Variants in SLC12A9 observed in about 807,000 individuals in gnomAD.
SLC12A9 encodes solute carrier family 12 member 9.
A neutral mutation model predicts 66.0 loss-of-function variants in SLC12A9; 55 were observed. That is an observed-to-expected ratio of 0.83 (90% confidence interval 0.67 to 1.04). The LOEUF (loss-of-function observed/expected upper bound fraction) is 1.04. Ranked by LOEUF, SLC12A9 falls within the 50% of genes least tolerant of loss-of-function variation. SLC12A9 has a pLI of 0.00. For missense variants in SLC12A9, 1,061 were observed against 1,241.9 expected (o/e 0.85, Z 2.19); for synonymous variants, 577 against 569.0 (o/e 1.01, Z -0.20).
chr7:100,864,453 A>C (rs974516206), intron 13 of SLC12A9, among the ~76,000 whole-genome samples: 1 of 152,216 alleles, frequency 6.6e-6, no homozygotes, highest in Non-Finnish European at 1.5e-5. Context: ...TTCTCCTGTC[A>C]TAGAAAATTT....
At position 100,835,233 on chromosome 7, in the gene SLC12A9, G is replaced by A. The variant is rs572420151; in HGVS notation, n.228+8186G>A. On this transcript the variant is annotated intron_variant and non_coding_transcript_variant, in intron 1 of 1. Coordinates refer to the SLC12A9 transcript ENST00000461016. ...TAGCTGGGCATGGTGGTGCGTGCCT[G>A]TTATCCAGCTACTTGGGAGGCTGAG... Among the ~76,000 whole-genome samples, 53 of 151,790 alleles carry A rather than the reference G, an allele frequency of 3.5e-4. No individual in the cohort carries two copies. In the South Asian group the frequency reaches 6.9e-3, roughly 20 times the overall value.
chr7:100,855,766 T>G lies in SLC12A9; in HGVS notation c.377T>G (p.Leu126Arg). The change falls in exon 4 of 14, where the codon CTG (leucine) becomes CGG (arginine). Residue 126 changes from leucine to arginine, a missense_variant. Transcript: ENST00000354161. The stretch of plus-strand genomic sequence containing the variant: ...GGCAGCATTGGGCTCATGTTCTACC[T>G]GGCTAACGTCTGTGGCTGTGCCGTC... Reference protein sequence around the residue: ...VGGSIGLMFYLANVCGCAVSL... With the variant: ...VGGSIGLMFYRANVCGCAVSL... 1 of 1,614,170 alleles carries G rather than the reference T, an allele frequency of 6.2e-7. No homozygotes were observed. Among genetic ancestry groups the G allele is most frequent in the Non-Finnish European group, 8.5e-7 (1 of 1,180,010 alleles).
chr7:100,827,013 C>A (rs780422508), exon 1 of SLC12A9: 1 of 1,581,900 alleles, frequency 6.3e-7, no homozygotes. Flanking sequence ...CCCAGCAGAG[C>A]AGCACCCGGA....
chr7:100,861,388 G>A lies in SLC12A9; in HGVS notation c.1344-4G>A, dbSNP rs367660115. ...TCTGTCCCTCCTCCCCTCCATGCCC[G>A]CAGCCCCACCTTCAGCCTGTTCTCC... On this transcript the variant is annotated splice_region_variant and splice_polypyrimidine_tract_variant and intron_variant, in intron 10 of 13. Transcript: ENST00000354161. This position sits in a 1 kb window ranked among gnomAD's most constrained non-coding sequence, Gnocchi z 5.3. The A allele has an allele frequency of 7.4e-6, 12 of 1,612,728 alleles. No homozygotes were observed. The highest frequency in any genetic ancestry group is 1.7e-5 in the Admixed American group (1 of 59,994).
exon 1 of SLC12A9, chr7:100,826,930 G>C (rs772080434): frequency 6.5e-6 from 10 of 1,535,608 alleles, no homozygotes; most frequent in Admixed American, 4.0e-5. Flanking sequence ...ATGTTGGGGG[G>C]GAGGTCCCAG....
Position 100,861,292 on chromosome 7 carries a change from A to C in SLC12A9, c.1343+30A>C, listed in dbSNP as rs1264452181. 1 of 1,613,740 alleles carries C rather than the reference A, an allele frequency of 6.2e-7. No individual in the cohort carries two copies. The highest frequency in any genetic ancestry group is 1.7e-5 in the Admixed American group (1 of 60,008). On this transcript the variant is annotated intron_variant, in intron 10 of 13. Transcript: ENST00000354161. This position sits in a 1 kb window ranked among gnomAD's most constrained non-coding sequence, Gnocchi z 5.3. ...GAGACTCAGATCTGTGTCCCCAGAG[A>C]GAAGAAGGGAGGACTCGGGCTCAGG...
intron 1 of SLC12A9, among the ~76,000 whole-genome samples, chr7:100,847,208 C>G (rs1262112329): frequency 6.6e-6 from 1 of 152,328 alleles, no homozygotes; most frequent in East Asian, 1.9e-4. Context: ...CAATGTTGGC[C>G]AGGCTGGTCC....
Position 100,866,028 on chromosome 7 carries a change from A to G in SLC12A9, c.2168A>G (p.His723Arg). 6.2e-7 allele frequency: 1 copy of G among 1,612,804 alleles called. No individual in the cohort carries two copies. The highest frequency in any genetic ancestry group is 1.1e-5 in the South Asian group (1 of 91,048). The change falls in exon 14 of 14, where the codon CAT becomes CGT. Residue 723 changes from histidine (H) to arginine (R), a missense_variant. Physicochemically the swap from His to Arg is conservative, Grantham distance 29. Transcript: ENST00000354161. This position sits in a 1 kb window ranked among gnomAD's most constrained non-coding sequence, Gnocchi z 7.3. ...TCTGGGGGCACCTCTCAGCTGCACC[A>G]TGTGGACGTGTGGCCCCTCAACCTG... ...RGSGGTSQLH[H>R]VDVWPLNLLR...
intron 1 of SLC12A9, among the ~76,000 whole-genome samples, chr7:100,838,676 C>T (rs761946988): frequency 3.9e-4 from 60 of 152,068 alleles, no homozygotes; most frequent in Non-Finnish European, 7.2e-4. Flanking sequence ...AGCACCACGC[C>T]GGCTAATTTT....
chr7:100,860,574 T>G (rs1814687099), intron 9 of SLC12A9: 1 of 374,626 alleles, frequency 2.7e-6, no homozygotes, highest in Non-Finnish European at 5.0e-6. Flanking sequence ...AGGGATTCAC[T>G]GGCACTCTGT....
At chr7:100,826,919 G>A (rs1376043351) in exon 1 of SLC12A9, 7 of 1,527,322 alleles carry the variant, frequency 4.6e-6, no homozygotes, top group South Asian at 1.2e-5. Flanking sequence ...CCGAGGCCCA[G>A]ATGTTGGGGG....
chr7:100,832,449 G>C (rs1813561972), intron 1 of SLC12A9, among the ~76,000 whole-genome samples: 1 of 152,100 alleles, frequency 6.6e-6, no homozygotes. Flanking sequence ...AGAGGTCTAG[G>C]CTGCAGGGAG....
intron 1 of SLC12A9, among the ~76,000 whole-genome samples, chr7:100,834,232 G>A (rs562429052): frequency 5.3e-5 from 8 of 152,222 alleles, no homozygotes; most frequent in South Asian, 2.1e-4. Flanking sequence ...TTGTGAGGTC[G>A]CCCCATTCAG....
intron 1 of SLC12A9, among the ~76,000 whole-genome samples, chr7:100,838,189 G>A (rs1020497542): frequency 6.0e-5 from 9 of 150,832 alleles, no homozygotes; most frequent in Non-Finnish European, 1.2e-4. Flanking sequence ...TTTTTGTGGA[G>A]ACAGTCTTGC....
intron 1 of SLC12A9, among the ~76,000 whole-genome samples, chr7:100,836,850 A>G (rs1274967162): frequency 1.7e-5 from 2 of 117,394 alleles, no homozygotes; most frequent in Non-Finnish European, 3.4e-5. Flanking sequence ...GGGAGTTTAC[A>G]GCAGGAATGG....
chr7:100,854,588 C>T, intron 2 of SLC12A9, 32 bp from the exon 3 acceptor site: 1 of 1,613,112 alleles, frequency 6.2e-7, no homozygotes, highest in Non-Finnish European at 8.5e-7. Flanking sequence ...GGTGTGAGTC[C>T]CCTGTGACCT....
chr7:100,866,623 C>A lies in SLC12A9; in HGVS notation c.*18C>A. The stretch of plus-strand genomic sequence containing the variant: ...ATCTGTGATGCCCCTGCCTCCAGGG[C>A]TAGGTAGAGAGGGCCCAGGCAGGCG... On this transcript the variant is annotated 3_prime_UTR_variant, in exon 14 of 14. Coordinates refer to ENST00000354161, the MANE Select transcript of SLC12A9 (RefSeq NM_020246.4). The surrounding 1 kb of genome is among the most constrained non-coding windows in gnomAD (Gnocchi z 7.3). 3.3e-6 allele frequency: 5 copies of A among 1,521,264 alleles called. No individual in the cohort carries two copies. Among genetic ancestry groups the A allele is most frequent in the Non-Finnish European group, 4.4e-6 (5 of 1,130,610 alleles). 94.2% of individuals were successfully genotyped at this position (1,521,264 alleles called of 1,614,324 possible).
intron 1 of SLC12A9, among the ~76,000 whole-genome samples, chr7:100,834,081 G>T (rs1325069007): frequency 6.6e-6 from 1 of 151,988 alleles, no homozygotes; most frequent in Non-Finnish European, 1.5e-5. Flanking sequence ...TAAGCGCACA[G>T]CCTAACTTGT....
upstream of SLC12A9, among the ~76,000 whole-genome samples, chr7:100,848,615 A>G (rs117450257): frequency 0.034 from 5,222 of 152,208 alleles, 155 homozygotes; most frequent in Middle Eastern, 0.078. Context: ...GGTTGGGCGC[A>G]GTGGTTCACG....
Sources: gnomAD v4.1 joint callset for allele counts (sites outside exome capture counted in the v4.1 genomes callset) on GRCh38, gnomAD v4.1.1 for gene constraint, Gnocchi (gnomAD v3.1) non-coding constraint, MANE v1.5 for transcripts, NCBI Gene and HGNC (gene_info 2026-07-23, HGNC 2026-07-21) for gene names.